Variants in RSF1 observed in about 807,000 individuals in gnomAD.
RSF1 encodes remodeling and spacing factor 1.
Under a neutral mutation model 145.2 loss-of-function variants are expected in RSF1, and 13 were observed. The ratio of observed to expected loss-of-function variants is 0.09; its 90% CI spans 0.06 to 0.14. The LOEUF (loss-of-function observed/expected upper bound fraction) is 0.14, where lower values mean the gene tolerates loss of function less well. Among genes scored for constraint, RSF1 ranks in the 10% least tolerant of loss-of-function variants. RSF1 has a pLI of 1.00. For missense variants in RSF1, 1,517 were observed against 1,718.2 expected (o/e 0.88, Z 2.07); for synonymous variants, 577 against 592.6 (o/e 0.97, Z 0.38).
chr11:77,852,318 T>C, the RSF1 span, among the ~76,000 whole-genome samples: 1 of 152,098 alleles, frequency 6.6e-6, no homozygotes, highest in East Asian at 1.9e-4. Context: ...GTTGTCAATT[T>C]GACATACGGA....
intron 1 of RSF1, among the ~76,000 whole-genome samples, chr11:77,792,961 C>A (rs1200382172): frequency 6.6e-6 from 1 of 152,030 alleles, no homozygotes; most frequent in Non-Finnish European, 1.5e-5. Flanking sequence ...GTATAAAATT[C>A]ATGGGTAAAC....
chr11:77,840,129 G>T, the RSF1 span, among the ~76,000 whole-genome samples: 1 of 151,588 alleles, frequency 6.6e-6, no homozygotes, highest in African/African-American at 2.4e-5. Context: ...CAACACCCAG[G>T]GATTTGAATG....
chr11:77,752,890 AC>A (rs1948078595), intron 2 of RSF1, among the ~76,000 whole-genome samples: 1 of 151,604 alleles, frequency 6.6e-6, no homozygotes, highest in Non-Finnish European at 1.5e-5. Context: ...GCCACCCCAA[AC>A]CCCCCAAAAC....
intron 7 of RSF1, among the ~76,000 whole-genome samples, chr11:77,693,995 G>A (rs1960222610): frequency 1.3e-5 from 2 of 151,958 alleles, no homozygotes; most frequent in African/African-American, 4.8e-5. Flanking sequence ...ATGTTGGTCA[G>A]GATGGTCTTG....
At chr11:77,805,286 T>G (rs1340222866) in intron 1 of RSF1, among the ~76,000 whole-genome samples, 1 of 152,084 alleles carries the variant, frequency 6.6e-6, no homozygotes, top group Non-Finnish European at 1.5e-5. Context: ...CCGGCCTACA[T>G]GGTGAAACCC....
At chr11:77,672,619 T>A (rs1202690007) in intron 14 of RSF1, among the ~76,000 whole-genome samples, 1 of 152,182 alleles carries the variant, frequency 6.6e-6, no homozygotes, top group Non-Finnish European at 1.5e-5. Flanking sequence ...AGGTTTTTAA[T>A]GCCAAACCTC....
chr11:77,699,221 T>TA (rs1198794743), intron 6 of RSF1, among the ~76,000 whole-genome samples: 16 of 152,202 alleles, frequency 1.1e-4, no homozygotes, highest in Admixed American at 8.5e-4. Context: ...GTATTAGAGA[T>TA]AAATTTTAAA....
Position 77,783,841 on chromosome 11 carries a change from C to CA in RSF1, c.188-19153dup, listed in dbSNP as rs993858289. 7.0e-4 allele frequency among the ~76,000 whole-genome samples: 101 copies of CA among 144,964 alleles called. 1 individual carries two copies. The highest frequency in any genetic ancestry group is 1.7e-3 in the African/African-American group (67 of 39,756). On this transcript the variant is annotated intron_variant, in intron 1 of 15. Coordinates refer to ENST00000308488, the MANE Select transcript of RSF1 (RefSeq NM_016578.4). ...TGGGTGACAGAGCAAGACCCGATTT[C>CA]AAAAAAAAAAAGTTACTTATCGCCT...
intron 4 of RSF1, among the ~76,000 whole-genome samples, chr11:77,727,126 T>C (rs1374322249): frequency 6.6e-6 from 1 of 152,214 alleles, no homozygotes; most frequent in Non-Finnish European, 1.5e-5. Context: ...ACTAGATGTT[T>C]TCTCAAAGTC....
intron 5 of RSF1, among the ~76,000 whole-genome samples, chr11:77,712,050 C>T (rs866334623): frequency 1.7e-4 from 26 of 152,148 alleles, no homozygotes; most frequent in African/African-American, 6.3e-4. Flanking sequence ...AATACTTCCA[C>T]AAAAGTTACG....
the RSF1 span, among the ~76,000 whole-genome samples, chr11:77,845,127 G>T: frequency 6.6e-6 from 1 of 152,040 alleles, no homozygotes. Context: ...TGAAGATGTA[G>T]ATTATTGTTT....
rs142934342 is a variant in RSF1 at position 77,664,181 on chromosome 11, A to C, written c.*2736T>G. ...TTTGAGGGACTGAATCTGAACTCCA[A>C]GCAGCAAAACCGTTTTTGCACTGCT... On this transcript the variant is annotated 3_prime_UTR_variant, in exon 16 of 16. Transcript: ENST00000308488. 6.6e-6 allele frequency: 1 copy of C among 152,328 alleles called. No homozygotes were observed. The highest frequency in any genetic ancestry group is 2.4e-5 in the African/African-American group (1 of 41,586). 9.4% of individuals were successfully genotyped at this position (152,328 alleles called of 1,614,324 possible). A position where few individuals can be genotyped will look rare whatever the true frequency, so the allele number is the denominator to read the frequency against.
chr11:77,710,652 G>A (rs767365453), intron 5 of RSF1, among the ~76,000 whole-genome samples: 3 of 152,112 alleles, frequency 2.0e-5, no homozygotes, highest in African/African-American at 4.8e-5. Context: ...AGAGACATAT[G>A]ATACCTGGTT....
intron 10 of RSF1, among the ~76,000 whole-genome samples, chr11:77,684,746 G>C (rs1325175276): frequency 1.3e-5 from 2 of 152,112 alleles, no homozygotes; most frequent in Non-Finnish European, 2.9e-5. Flanking sequence ...CCAGCACTTT[G>C]GGAGACCAAG....
chr11:77,801,634 T>C (rs543669115), intron 1 of RSF1, among the ~76,000 whole-genome samples: 12 of 152,206 alleles, frequency 7.9e-5, no homozygotes, highest in African/African-American at 2.6e-4. Flanking sequence ...TACACAGAGC[T>C]CTTAAATCCC....
At chr11:77,704,753 GTTT>G (rs72141127) in intron 5 of RSF1, among the ~76,000 whole-genome samples, 4 of 134,536 alleles carry the variant, frequency 3.0e-5, no homozygotes, top group Non-Finnish European at 6.3e-5. Context: ...GTTTGCCTTG[GTTT>G]TTTTTTTTTT....
At chr11:77,731,149 G>T (rs953170556) in intron 4 of RSF1, among the ~76,000 whole-genome samples, 2 of 152,144 alleles carry the variant, frequency 1.3e-5, no homozygotes, top group Non-Finnish European at 2.9e-5. Flanking sequence ...GAACAATAAG[G>T]CCCAGGCTGA....
intron 7 of RSF1, among the ~76,000 whole-genome samples, 196 bp from the exon 8 acceptor site, chr11:77,693,807 C>G (rs376655164): frequency 1.1e-5 from 1 of 92,988 alleles, no homozygotes; most frequent in Non-Finnish European, 2.6e-5. Flanking sequence ...ATTTATTTGA[C>G]AGAGTCTCGC....
chr11:77,756,115 T>C (rs1400435273), intron 2 of RSF1, among the ~76,000 whole-genome samples: 1 of 152,116 alleles, frequency 6.6e-6, no homozygotes, highest in African/African-American at 2.4e-5. Flanking sequence ...CCCAGCACTT[T>C]GGGAGTGCAA....
Sources: allele counts gnomAD v4.1 joint callset (sites outside exome capture counted in the v4.1 genomes callset), GRCh38; gene constraint gnomAD v4.1.1; transcripts MANE v1.5; gene names NCBI Gene and HGNC (gene_info 2026-07-23, HGNC 2026-07-21).